Variants in CAPZA1 observed in about 807,000 individuals in gnomAD.
CAPZA1 encodes the protein capping actin protein of muscle Z-line subunit alpha 1.
A neutral mutation model predicts 40.8 loss-of-function variants in CAPZA1; 10 were observed. That is an observed-to-expected ratio of 0.25 (90% CI 0.15 to 0.42). The LOEUF is 0.42. Ranked by LOEUF, CAPZA1 falls within the 10% of genes least tolerant of loss-of-function variation. CAPZA1 has a pLI of 1.00. For synonymous variants in CAPZA1, 98 were observed against 115.0 expected, an observed-to-expected ratio of 0.85 and a Z score of 0.95; for missense variants, 277 against 353.8, an observed-to-expected ratio of 0.78 and a Z score of 1.74.
intron 1 of CAPZA1, among the ~76,000 whole-genome samples, chr1:112,622,983 T>G (rs889662069): frequency 6.6e-6 from 1 of 151,964 alleles, no homozygotes; most frequent in Non-Finnish European, 1.5e-5. Flanking sequence ...CCTCCTGAGT[T>G]CAAGTGATTC....
intron 2 of CAPZA1, among the ~76,000 whole-genome samples, chr1:112,647,534 A>G (rs1238117229): frequency 6.6e-6 from 1 of 152,264 alleles, no homozygotes; most frequent in East Asian, 1.9e-4. Flanking sequence ...GCAGATTAGT[A>G]TCAATAAATG....
intron 1 of CAPZA1, among the ~76,000 whole-genome samples, chr1:112,630,855 A>G (rs923315889): frequency 2.6e-5 from 4 of 152,228 alleles, no homozygotes; most frequent in African/African-American, 9.6e-5. Flanking sequence ...ACAGTGGTAA[A>G]GTATACAGAG....
chr1:112,638,749 A>G (rs1420850848), intron 1 of CAPZA1, among the ~76,000 whole-genome samples: 1 of 151,538 alleles, frequency 6.6e-6, no homozygotes, highest in East Asian at 1.9e-4. Context: ...AGCCTGGCCA[A>G]CATGGTGAAA....
At chr1:112,659,649 T>C (rs1671565400) in intron 6 of CAPZA1, 52 bp from the exon 7 acceptor site, 1 of 1,436,414 alleles carries the variant, frequency 7.0e-7, no homozygotes, top group African/African-American at 1.4e-5. Flanking sequence ...GCAAATCACC[T>C]CTTTCTTGTG....
At chr1:112,640,567 C>T (rs1257863846) in intron 1 of CAPZA1, among the ~76,000 whole-genome samples, 1 of 147,874 alleles carries the variant, frequency 6.8e-6, no homozygotes, top group Non-Finnish European at 1.5e-5. Context: ...GAGCCCCCTG[C>T]CCGGCCAGCC....
At position 112,654,515 on chromosome 1, in the gene CAPZA1, A is replaced by G. The variant is rs1378843107; in HGVS notation, c.270A>G (p.Pro90=). The part of the protein sequence containing the change: ...GDLGNSRFLD[P]RNKISFKFDH... ...TGGGTAATAGCAGATTTTTAGATCCAAGAAACAAAATTTCCTTTAAATTTG... is the reference window on the plus strand; with the variant it reads ...TGGGTAATAGCAGATTTTTAGATCCGAGAAACAAAATTTCCTTTAAATTTG... Residue 90 remains proline (P), a synonymous_variant, in exon 5 of 10, where the codon CCA becomes CCG. Coordinates refer to ENST00000263168, the MANE Select transcript of CAPZA1 (RefSeq NM_006135.3). 1.9e-6 allele frequency: 3 copies of G among 1,614,066 alleles called. No homozygotes were observed. The highest frequency in any genetic ancestry group is 2.2e-5 in the South Asian group (2 of 91,078).
At chr1:112,648,719 T>A (rs932999125) in intron 2 of CAPZA1, among the ~76,000 whole-genome samples, 6 of 151,674 alleles carry the variant, frequency 4.0e-5, no homozygotes, top group African/African-American at 1.5e-4. Flanking sequence ...TCCCAACACT[T>A]TGGGAGGCCA....
chr1:112,649,384 C>G (rs1285679878), intron 2 of CAPZA1, 34 bp from the exon 3 acceptor site: 4 of 1,532,348 alleles, frequency 2.6e-6, no homozygotes, highest in Non-Finnish European at 2.7e-6. Context: ...CAAATTTATC[C>G]TCCACTGAAC....
chr1:112,664,887 A>G (rs1671693374), intron 7 of CAPZA1, among the ~76,000 whole-genome samples: 1 of 152,126 alleles, frequency 6.6e-6, no homozygotes, highest in Admixed American at 6.5e-5. Context: ...GTGAGCCGAG[A>G]TCGTGCCATT....
intron 1 of CAPZA1, among the ~76,000 whole-genome samples, chr1:112,637,691 G>A (rs1354790743): frequency 2.0e-5 from 3 of 152,152 alleles, no homozygotes; most frequent in Admixed American, 6.5e-5. Flanking sequence ...GAGCTCAAGC[G>A]TTTCTCCAGC....
At chr1:112,649,598 CGTT>C (rs1375925563) in intron 3 of CAPZA1, 129 bp downstream of exon 3, 5 of 761,620 alleles carry the variant, frequency 6.6e-6, no homozygotes, top group African/African-American at 1.8e-5. Flanking sequence ...TAGCAATTTT[CGTT>C]GTTTTTTTTA....
chr1:112,652,872 A>G (rs1037106775), intron 3 of CAPZA1, among the ~76,000 whole-genome samples: 2 of 152,200 alleles, frequency 1.3e-5, no homozygotes, highest in Non-Finnish European at 2.9e-5. Context: ...TCAAAAATCA[A>G]GCTTTGGACA....
At position 112,667,192 on chromosome 1, in the gene CAPZA1, C is replaced by T. The variant is rs564181908; in HGVS notation, c.657+47C>T. 57 of 1,372,692 alleles carry T rather than the reference C, an allele frequency of 4.2e-5. No individual in the cohort carries two copies. In the South Asian group the frequency reaches 6.2e-4, roughly 15 times the overall value. The allele number at this position is 1,372,692 out of a possible 1,614,324, so 85.0% of individuals were successfully genotyped here. The stretch of plus-strand genomic sequence containing the variant: ...TCTGTCTTACTCATGTCTCGTTTTT[C>T]TTTAAAAAATTAGTTTTGATCCTGA... On this transcript the variant is annotated intron_variant, in intron 8 of 9. Transcript: ENST00000263168.
chr1:112,662,989 G>A (rs912395251), intron 7 of CAPZA1, among the ~76,000 whole-genome samples: 7 of 151,478 alleles, frequency 4.6e-5, no homozygotes, highest in Non-Finnish European at 1.0e-4. Flanking sequence ...TTTTTGAGAT[G>A]GAGTCTTGCT....
At chr1:112,644,731 T>A (rs1429621307) in intron 1 of CAPZA1, among the ~76,000 whole-genome samples, 1 of 152,232 alleles carries the variant, frequency 6.6e-6, no homozygotes, top group Non-Finnish European at 1.5e-5. Context: ...TCATCCTTTC[T>A]CTCATAGTAT....
intron 1 of CAPZA1, among the ~76,000 whole-genome samples, chr1:112,638,457 G>A (rs952235006): frequency 6.6e-6 from 1 of 152,044 alleles, no homozygotes; most frequent in Non-Finnish European, 1.5e-5. Flanking sequence ...TGGGATTACA[G>A]GTGCCCACCA....
Position 112,670,368 on chromosome 1 carries a change from T to TTTTC in CAPZA1, c.*239_*240insCTTT, listed in dbSNP as rs1671806420. On this transcript the variant is annotated 3_prime_UTR_variant, in exon 10 of 10. Transcript: ENST00000263168. Reference sequence around the variant, plus strand: ...TACGTGTAAATCTTTTTTTCTTTTTTTTTTTTTTTTTTTGGTTAATTCTGC... The same window carrying TTTTC: ...TACGTGTAAATCTTTTTTTCTTTTTTTTTCTTTTTTTTTTTTTGGTTAATTCTGC... 5 of 408,060 alleles carry TTTTC rather than the reference T, an allele frequency of 1.2e-5. 1 individual carries two copies. The highest frequency in any genetic ancestry group is 6.9e-4 in the Middle Eastern group (1 of 1,450). 25.3% of individuals were successfully genotyped at this position (408,060 alleles called of 1,614,324 possible).
intron 2 of CAPZA1, among the ~76,000 whole-genome samples, chr1:112,648,801 A>G (rs1671332167): frequency 6.6e-6 from 1 of 152,088 alleles, no homozygotes; most frequent in African/African-American, 2.4e-5. Context: ...CGTCTCTACT[A>G]AAAATACAAA....
chr1:112,629,893 A>G (rs1182388889), intron 1 of CAPZA1, among the ~76,000 whole-genome samples: 3 of 151,968 alleles, frequency 2.0e-5, no homozygotes, highest in Non-Finnish European at 2.9e-5. Context: ...TATCTAAAGT[A>G]CTTTGCAGAG....
Sources: allele counts gnomAD v4.1 joint callset (sites outside exome capture counted in the v4.1 genomes callset), GRCh38; gene constraint gnomAD v4.1.1; transcripts MANE v1.5; gene names NCBI Gene and HGNC (gene_info 2026-07-23, HGNC 2026-07-21).